CTNNA2: variants seen among roughly 807,000 people sequenced by gnomAD.
CTNNA2 encodes catenin alpha 2.
CTNNA2 carries 42 observed loss-of-function variants against 101.0 expected under a neutral mutation model. That is an observed-to-expected ratio of 0.42 (90% confidence interval 0.32 to 0.54). CTNNA2 has a LOEUF of 0.54. CTNNA2 is among the 20% of genes least tolerant of loss of function. The pLI is 0.14. For missense variants in CTNNA2, 871 were observed against 1,223.1 expected, an observed-to-expected ratio of 0.71 and a Z score of 4.29; for synonymous variants, 450 against 456.4, an observed-to-expected ratio of 0.99 and a Z score of 0.18.
chr2:80,578,272 A>G (rs551302740), intron 13 of CTNNA2, among the ~76,000 whole-genome samples: 5 of 151,812 alleles, frequency 3.3e-5, no homozygotes, highest in Admixed American at 1.3e-4. Context: ...TAGACTTTAA[A>G]TAGTTTCTGT....
intron 7 of CTNNA2, among the ~76,000 whole-genome samples, chr2:80,144,417 A>G (rs1703204089): frequency 6.6e-6 from 1 of 152,216 alleles, no homozygotes; most frequent in Non-Finnish European, 1.5e-5. Context: ...AATGAGTTTT[A>G]TTTAAATTCC....
intron 7 of CTNNA2, among the ~76,000 whole-genome samples, chr2:79,990,972 G>A (rs1274838605): frequency 6.6e-6 from 1 of 152,162 alleles, no homozygotes; most frequent in Non-Finnish European, 1.5e-5. Flanking sequence ...GGTCTATTCA[G>A]AGATTCAGCT....
At chr2:79,907,766 G>T (rs1685526260) in intron 6 of CTNNA2, among the ~76,000 whole-genome samples, 2 of 152,194 alleles carry the variant, frequency 1.3e-5, no homozygotes, top group Admixed American at 1.3e-4. Flanking sequence ...TTATCTGCAA[G>T]ATTTCATGCA....
intron 3 of CTNNA2, among the ~76,000 whole-genome samples, chr2:79,770,635 A>G (rs772577432): frequency 2.4e-4 from 36 of 152,230 alleles, no homozygotes; most frequent in Non-Finnish European, 4.1e-4. Context: ...TGGGCAAACT[A>G]TTTTAAAATC....
At chr2:80,632,607 G>T (rs1672420417) in intron 18 of CTNNA2, among the ~76,000 whole-genome samples, 1 of 152,146 alleles carries the variant, frequency 6.6e-6, no homozygotes, top group South Asian at 2.1e-4. Context: ...TCAGGTAGAA[G>T]AAGAAAACTT....
chr2:79,898,339 A>G lies in CTNNA2; in HGVS notation c.853-11255A>G, dbSNP rs1684853787. Among the ~76,000 whole-genome samples the G allele has an allele frequency of 2.6e-5, 4 of 151,838 alleles. No individual in the cohort carries two copies. The South Asian group carries it at 8.3e-4, about 32-fold the overall frequency. ...TTTAGTAGAGATGGGGTTTCACCAT[A>G]TTGAGCAGGCTGGTCTCGAACTCCT... On this transcript the variant is annotated intron_variant, in intron 6 of 18. Transcript: ENST00000402739.
intron 7 of CTNNA2, among the ~76,000 whole-genome samples, chr2:80,044,686 G>A (rs1696398059): frequency 6.6e-6 from 1 of 152,014 alleles, no homozygotes; most frequent in Non-Finnish European, 1.5e-5. Flanking sequence ...TACAGCACTG[G>A]ATAAGAACAT....
At chr2:79,600,543 G>A (rs1380116203) in intron 1 of CTNNA2, among the ~76,000 whole-genome samples, 1 of 152,206 alleles carries the variant, frequency 6.6e-6, no homozygotes, top group East Asian at 1.9e-4. Context: ...TTTGGTGAAA[G>A]CTTCACTGTA....
chr2:80,574,524 C>T (rs1477071909), intron 13 of CTNNA2, among the ~76,000 whole-genome samples: 1 of 152,104 alleles, frequency 6.6e-6, no homozygotes, highest in Non-Finnish European at 1.5e-5. Flanking sequence ...TTCTGAAGGG[C>T]AACACCCTGC....
Position 80,303,148 on chromosome 2 carries a change from C to T in CTNNA2, c.1057-90063C>T. The T allele has an allele frequency of 6.2e-7, 1 of 1,614,122 alleles. No individual in the cohort carries two copies. The highest frequency in any genetic ancestry group is 8.5e-7 in the Non-Finnish European group (1 of 1,180,020). ...TGAGGCGCGGGAAGTGGGCGAAGTT[C>T]ACCTTGACCAAGTCGTTGTGCTCGA... On this transcript the variant is annotated intron_variant, in intron 7 of 18. Transcript: ENST00000402739. This position sits in a 1 kb window ranked among gnomAD's most constrained non-coding sequence, Gnocchi z 7.7.
intron 7 of CTNNA2, among the ~76,000 whole-genome samples, chr2:80,214,945 CTT>C (rs1335075519): frequency 6.6e-6 from 1 of 152,130 alleles, no homozygotes; most frequent in Non-Finnish European, 1.5e-5. Flanking sequence ...TTCTTGGAGC[CTT>C]TGTTCGTTTC....
intron 7 of CTNNA2, among the ~76,000 whole-genome samples, chr2:80,150,217 C>T (rs1703607162): frequency 6.6e-6 from 1 of 152,174 alleles, no homozygotes. Context: ...TCTGTGAGCC[C>T]AGACTCTCTC....
intron 3 of CTNNA2, among the ~76,000 whole-genome samples, chr2:79,336,031 A>T (rs868096135): frequency 6.6e-6 from 1 of 152,222 alleles, no homozygotes. Context: ...ACAAAACTCC[A>T]TCTGAAGACA....
intron 7 of CTNNA2, among the ~76,000 whole-genome samples, chr2:79,918,060 A>G (rs1381236267): frequency 6.6e-6 from 1 of 151,678 alleles, no homozygotes; most frequent in African/African-American, 2.4e-5. Flanking sequence ...AAGTATGACA[A>G]CTCCAGGAGC....
chr2:80,495,734 T>C (rs1425937266), intron 9 of CTNNA2, among the ~76,000 whole-genome samples: 1 of 151,366 alleles, frequency 6.6e-6, no homozygotes, highest in African/African-American at 2.4e-5. Flanking sequence ...AGGTCAGGAG[T>C]TCGAGACCAG....
intron 9 of CTNNA2, among the ~76,000 whole-genome samples, chr2:80,496,938 T>G (rs1175651413): frequency 6.6e-6 from 1 of 152,168 alleles, no homozygotes; most frequent in Non-Finnish European, 1.5e-5. Context: ...ACTCACCAAT[T>G]CATCATCAAC....
intron 4 of CTNNA2, among the ~76,000 whole-genome samples, chr2:79,470,895 A>G (rs1198101887): frequency 6.6e-6 from 1 of 152,088 alleles, no homozygotes. Flanking sequence ...TGCATGTTTG[A>G]TAGTCTAAAA....
At chr2:80,309,589 G>A (rs536667584) in intron 7 of CTNNA2, among the ~76,000 whole-genome samples, 1 of 152,292 alleles carries the variant, frequency 6.6e-6, no homozygotes, top group African/African-American at 2.4e-5. Context: ...GTGAAATAGG[G>A]CTAAGGATGG....
intron 4 of CTNNA2, among the ~76,000 whole-genome samples, chr2:79,415,928 T>C (rs1256832762): frequency 6.6e-6 from 1 of 152,182 alleles, no homozygotes; most frequent in Non-Finnish European, 1.5e-5. Context: ...AGATATGACT[T>C]GCTTGCTTGT....
Sources: gnomAD v4.1 joint callset for allele counts (sites outside exome capture counted in the v4.1 genomes callset) on GRCh38, gnomAD v4.1.1 for gene constraint, Gnocchi (gnomAD v3.1) non-coding constraint, MANE v1.5 for transcripts, NCBI Gene and HGNC (gene_info 2026-07-23, HGNC 2026-07-21) for gene names.